The following TENM3 variants were observed in gnomAD, a reference collection of about 807,000 sequenced individuals.
TENM3 encodes teneurin-3.
TENM3 carries 63 observed loss-of-function variants against 255.1 expected under a neutral mutation model. The ratio of observed to expected loss-of-function variants is 0.25; its 90% confidence interval spans 0.20 to 0.30. TENM3 has a LOEUF of 0.30. Ranked by LOEUF, TENM3 falls within the 10% of genes least tolerant of loss-of-function variation. The pLI, the probability that TENM3 is intolerant of heterozygous loss-of-function variation, is 1.00. For missense variants in TENM3, 2,929 were observed against 3,461.1 expected (o/e 0.85, Z 3.86); for synonymous variants, 1,306 against 1,322.3 (o/e 0.99, Z 0.27).
chr4:181,717,927 A>G, the TENM3 span, among the ~76,000 whole-genome samples: 1 of 152,214 alleles, frequency 6.6e-6, no homozygotes, highest in Admixed American at 6.5e-5. Flanking sequence ...GCAAGATTGT[A>G]TGTTTAAAAA....
the TENM3 span, among the ~76,000 whole-genome samples, chr4:181,516,507 G>A: frequency 6.6e-5 from 10 of 152,114 alleles, no homozygotes; most frequent in African/African-American, 9.6e-5. Flanking sequence ...ATGGGTGGGC[G>A]CGGTGGCTCA....
At chr4:181,661,615 G>A in the TENM3 span, among the ~76,000 whole-genome samples, 9 of 152,198 alleles carry the variant, frequency 5.9e-5, no homozygotes, top group African/African-American at 2.2e-4. Context: ...ACTGAATTGC[G>A]AGCCCTGTTT....
rs180813288 is a variant in TENM3, at chr4:182,324,199, G to T, written c.179G>T (p.Gly60Val). Residue 60 changes from glycine to valine, a missense_variant, in exon 2 of 28, where the codon GGC (glycine) becomes GTC (valine). Coordinates refer to ENST00000511685, the MANE Select transcript of TENM3 (RefSeq NM_001080477.4). ...CATGATTCCTCGCGGCTGCTTTACGGCAACAGAGTGAAGGATTTGGTTCAC... is the reference window on the plus strand; with the variant it reads ...CATGATTCCTCGCGGCTGCTTTACGTCAACAGAGTGAAGGATTTGGTTCAC... The part of the protein sequence containing the change: ...FDHDSSRLLY[G>V]NRVKDLVHRE... 2.6e-5 allele frequency: 42 copies of T among 1,613,992 alleles called. No homozygotes were observed. In the Admixed American group the frequency reaches 6.7e-4, roughly 26 times the overall value.
At chr4:181,762,884 CT>C in the TENM3 span, among the ~76,000 whole-genome samples, 1 of 149,528 alleles carries the variant, frequency 6.7e-6, no homozygotes, top group Non-Finnish European at 1.5e-5. Context: ...ACGTGGAAGA[CT>C]TTTTACAATT....
intron 5 of TENM3, among the ~76,000 whole-genome samples, chr4:182,634,114 G>A (rs550521631): frequency 4.6e-5 from 7 of 152,266 alleles, no homozygotes; most frequent in South Asian, 2.1e-4. Flanking sequence ...ATGCTGTCAC[G>A]TGTCCCGTTT....
intron 1 of TENM3, among the ~76,000 whole-genome samples, chr4:182,303,157 A>G (rs1761943358): frequency 2.0e-5 from 3 of 151,344 alleles, no homozygotes; most frequent in African/African-American, 7.3e-5. Flanking sequence ...TATGTCATAA[A>G]CCCCAGGGAG....
At chr4:182,135,444 T>C in the TENM3 span, among the ~76,000 whole-genome samples, 3 of 152,206 alleles carry the variant, frequency 2.0e-5, no homozygotes, top group African/African-American at 4.8e-5. Context: ...TGTGGCCTAA[T>C]GTACTTCTGA....
chr4:181,613,854 AGT>A, the TENM3 span, among the ~76,000 whole-genome samples: 1 of 152,196 alleles, frequency 6.6e-6, no homozygotes, highest in Non-Finnish European at 1.5e-5. Context: ...GTGGGCTAAG[AGT>A]GTGCAAAAGC....
At chr4:181,577,102 A>ATATT in the TENM3 span, among the ~76,000 whole-genome samples, 2 of 69,848 alleles carry the variant, frequency 2.9e-5, no homozygotes, top group African/African-American at 1.9e-4. Flanking sequence ...TATATATTTT[A>ATATT]TTATTATATA....
At chr4:181,628,814 C>T in the TENM3 span, among the ~76,000 whole-genome samples, 11 of 152,076 alleles carry the variant, frequency 7.2e-5, no homozygotes, top group African/African-American at 2.4e-4. Context: ...CTTGGCAGTG[C>T]GGCCTCTTTT....
chr4:182,298,267 G>C (rs1761622521), intron 1 of TENM3, among the ~76,000 whole-genome samples: 1 of 152,194 alleles, frequency 6.6e-6, no homozygotes, highest in African/African-American at 2.4e-5. Flanking sequence ...ACCTCGTGCA[G>C]TGCCAGCCAT....
intron 6 of TENM3, among the ~76,000 whole-genome samples, chr4:182,664,455 A>G (rs1308921164): frequency 1.3e-5 from 2 of 152,198 alleles, no homozygotes; most frequent in African/African-American, 4.8e-5. Flanking sequence ...GAGACAAAAC[A>G]GTATTGAAAT....
At chr4:181,497,269 T>G in the TENM3 span, among the ~76,000 whole-genome samples, 2 of 152,196 alleles carry the variant, frequency 1.3e-5, no homozygotes, top group Non-Finnish European at 2.9e-5. Flanking sequence ...ATTATATTTT[T>G]AACAGCAGCT....
chr4:181,672,983 A>G, the TENM3 span, among the ~76,000 whole-genome samples: 1 of 152,194 alleles, frequency 6.6e-6, no homozygotes, highest in Non-Finnish European at 1.5e-5. Context: ...TGACCAACAC[A>G]GTAAACAAAG....
intron 22 of TENM3, among the ~76,000 whole-genome samples, chr4:182,765,134 TA>T (rs11411695): frequency 2.6e-5 from 4 of 151,240 alleles, no homozygotes; most frequent in Admixed American, 6.6e-5. Context: ...AGCATGTGAT[TA>T]AAAAAAAATG....
At chr4:181,812,903 A>G in the TENM3 span, among the ~76,000 whole-genome samples, 2 of 152,154 alleles carry the variant, frequency 1.3e-5, no homozygotes, top group Admixed American at 1.3e-4. Context: ...GAAAGGAGAA[A>G]CTGAATATAC....
intron 3 of TENM3, among the ~76,000 whole-genome samples, chr4:182,541,992 GT>G (rs1740930506): frequency 6.6e-6 from 1 of 152,228 alleles, no homozygotes; most frequent in Admixed American, 6.5e-5. Flanking sequence ...GAGCCCAGGA[GT>G]TTGAGGCCTC....
chr4:181,761,012 A>ACACACACACACC, the TENM3 span, among the ~76,000 whole-genome samples: 1 of 148,582 alleles, frequency 6.7e-6, no homozygotes, highest in African/African-American at 2.5e-5. Flanking sequence ...ACACACACAC[A>ACACACACACACC]CCCCGAATAA....
chr4:182,075,149 A>C, the TENM3 span, among the ~76,000 whole-genome samples: 1 of 150,620 alleles, frequency 6.6e-6, no homozygotes, highest in Non-Finnish European at 1.5e-5. Context: ...GACGTGGCAG[A>C]GTGGCAGAAA....
Sources: gnomAD v4.1 joint callset for allele counts (sites outside exome capture counted in the v4.1 genomes callset) on GRCh38, gnomAD v4.1.1 for gene constraint, MANE v1.5 for transcripts, NCBI Gene and HGNC (gene_info 2026-07-23, HGNC 2026-07-21) for gene names.